The following CHCHD6 variants were observed in gnomAD, a reference collection of about 807,000 sequenced individuals.
CHCHD6 encodes the protein coiled-coil-helix-coiled-coil-helix domain containing 6.
In CHCHD6, 28 loss-of-function variants were observed where a neutral mutation model predicts 32.3. The observed-to-expected ratio is 0.87, with a 90% CI of 0.64 to 1.19. The LOEUF is 1.19. Ranked by LOEUF, CHCHD6 falls within the 50% of genes most tolerant of loss-of-function variation. CHCHD6 has a pLI of 0.00. For missense variants in CHCHD6, 333 were observed against 307.0 expected (o/e 1.08, Z -0.63); for synonymous variants, 122 against 117.5 (o/e 1.04, Z -0.25).
intron 6 of CHCHD6, among the ~76,000 whole-genome samples, chr3:126,948,585 G>A (rs952985497): frequency 2.6e-5 from 4 of 152,080 alleles, no homozygotes; most frequent in African/African-American, 9.7e-5. Context: ...GCCATGTTCC[G>A]AGGCTCCAGG....
At chr3:126,904,592 A>C (rs529405636) in intron 5 of CHCHD6, among the ~76,000 whole-genome samples, 1 of 152,320 alleles carries the variant, frequency 6.6e-6, no homozygotes, top group African/African-American at 2.4e-5. Context: ...AACTACATAC[A>C]TCGGCAGCAT....
At chr3:126,753,846 A>G (rs1361096678) in intron 4 of CHCHD6, among the ~76,000 whole-genome samples, 1 of 152,190 alleles carries the variant, frequency 6.6e-6, no homozygotes, top group African/African-American at 2.4e-5. Context: ...TGGAAGTAGT[A>G]CTACCTGAGA....
At chr3:126,870,698 A>G (rs1390556256) in intron 5 of CHCHD6, among the ~76,000 whole-genome samples, 1 of 152,218 alleles carries the variant, frequency 6.6e-6, no homozygotes, top group Non-Finnish European at 1.5e-5. Flanking sequence ...GGACCTGAGC[A>G]CAGGGACTTC....
chr3:126,800,234 G>A (rs1487604616), intron 4 of CHCHD6, among the ~76,000 whole-genome samples: 1 of 152,184 alleles, frequency 6.6e-6, no homozygotes, highest in African/African-American at 2.4e-5. Context: ...GGGCATCTGG[G>A]CTGTGTGCTA....
chr3:126,827,888 A>T (rs1294172238), intron 4 of CHCHD6, among the ~76,000 whole-genome samples: 1 of 152,150 alleles, frequency 6.6e-6, no homozygotes, highest in Non-Finnish European at 1.5e-5. Flanking sequence ...ACATGTTCAG[A>T]AATGTCAAAT....
At chr3:126,862,546 ACCT>A (rs1301461934) in intron 5 of CHCHD6, among the ~76,000 whole-genome samples, 6 of 69,898 alleles carry the variant, frequency 8.6e-5, no homozygotes, top group African/African-American at 1.1e-4. Flanking sequence ...CACCATCACC[ACCT>A]CCTCCTCCTC....
chr3:126,768,237 G>A (rs575091727), intron 4 of CHCHD6, among the ~76,000 whole-genome samples: 1 of 152,234 alleles, frequency 6.6e-6, no homozygotes, highest in East Asian at 1.9e-4. Flanking sequence ...TGTGAGATCT[G>A]TTTATTTAAA....
In CHCHD6 at chr3:126,847,333, C is replaced by T. The variant is rs547609358; in HGVS notation, c.412-5314C>T. 6.6e-5 allele frequency among the ~76,000 whole-genome samples: 10 copies of T among 152,232 alleles called. No homozygotes were observed. The East Asian group carries it at 7.7e-4, about 12-fold the overall frequency. On this transcript the variant is annotated intron_variant, in intron 4 of 7. Transcript: ENST00000290913. Reference sequence around the variant, plus strand: ...TGAGGACTGATGGACTGAGGGCCTCCGGTCCTCACTGGCTGTTGTTCAGTG... The same window carrying T: ...TGAGGACTGATGGACTGAGGGCCTCTGGTCCTCACTGGCTGTTGTTCAGTG...
intron 4 of CHCHD6, among the ~76,000 whole-genome samples, chr3:126,773,994 G>C (rs564521998): frequency 6.6e-6 from 1 of 152,058 alleles, no homozygotes; most frequent in Non-Finnish European, 1.5e-5. Flanking sequence ...ATTCTTGTCT[G>C]AATCACTATG....
intron 5 of CHCHD6, among the ~76,000 whole-genome samples, chr3:126,856,653 T>C (rs1190410907): frequency 6.6e-6 from 1 of 152,228 alleles, no homozygotes. Flanking sequence ...CTAAGGGGAC[T>C]TGTGCCTCTT....
intron 6 of CHCHD6, among the ~76,000 whole-genome samples, chr3:126,942,285 G>A (rs1232354084): frequency 9.2e-5 from 14 of 152,126 alleles, no homozygotes; most frequent in Admixed American, 9.2e-4. Flanking sequence ...TTCCCTTTGT[G>A]TTTGCTTAGT....
At chr3:126,850,101 G>C (rs1447522659) in intron 4 of CHCHD6, among the ~76,000 whole-genome samples, 2 of 152,174 alleles carry the variant, frequency 1.3e-5, no homozygotes, top group African/African-American at 4.8e-5. Context: ...GTCACCTCCT[G>C]TCCATTGTCA....
intron 4 of CHCHD6, among the ~76,000 whole-genome samples, chr3:126,834,849 C>T (rs1001874044): frequency 2.0e-5 from 3 of 152,016 alleles, no homozygotes; most frequent in Non-Finnish European, 4.4e-5. Flanking sequence ...CCTTGACAGT[C>T]GGCAACAGCA....
chr3:126,773,607 T>C (rs1303927170), intron 4 of CHCHD6, among the ~76,000 whole-genome samples: 60 of 144,818 alleles, frequency 4.1e-4, no homozygotes, highest in South Asian at 6.8e-4. Flanking sequence ...CTTTTCTTTT[T>C]TTTTTTTTTT....
At chr3:126,823,358 A>G (rs1293050102) in intron 4 of CHCHD6, among the ~76,000 whole-genome samples, 5 of 152,160 alleles carry the variant, frequency 3.3e-5, no homozygotes, top group African/African-American at 9.7e-5. Flanking sequence ...CAACTTAGCA[A>G]TCTTGAGTCT....
At chr3:126,897,130 G>A (rs2077852024) in intron 5 of CHCHD6, among the ~76,000 whole-genome samples, 1 of 152,146 alleles carries the variant, frequency 6.6e-6, no homozygotes, top group Admixed American at 6.5e-5. Flanking sequence ...GCTGTTCGGG[G>A]AGAGAGAGAG....
chr3:126,810,796 G>T (rs1218253406), intron 4 of CHCHD6, among the ~76,000 whole-genome samples: 2 of 152,188 alleles, frequency 1.3e-5, no homozygotes, highest in African/African-American at 4.8e-5. Context: ...GCTCAGTATG[G>T]ATGCTATCAT....
chr3:126,730,507 C>T (rs1305662706), intron 2 of CHCHD6, 54 bp from the exon 3 acceptor site: 8 of 1,505,474 alleles, frequency 5.3e-6, no homozygotes, highest in Admixed American at 1.7e-5. Context: ...ACCTCTGTGA[C>T]TTCGTGGACC....
chr3:126,916,922 A>C (rs1330524453), intron 6 of CHCHD6, among the ~76,000 whole-genome samples: 3 of 152,162 alleles, frequency 2.0e-5, no homozygotes, highest in Non-Finnish European at 2.9e-5. Context: ...GCCAGGACCC[A>C]CCTGCCAAGG....
Sources: allele counts gnomAD v4.1 joint callset (sites outside exome capture counted in the v4.1 genomes callset), GRCh38; gene constraint gnomAD v4.1.1; transcripts MANE v1.5; gene names NCBI Gene and HGNC (gene_info 2026-07-23, HGNC 2026-07-21).